ARHGEF3: variants seen among roughly 807,000 people sequenced by gnomAD.
ARHGEF3 encodes the protein Rho guanine nucleotide exchange factor 3.
A neutral mutation model predicts 63.2 loss-of-function variants in ARHGEF3; 28 were observed. The observed-to-expected ratio is 0.44, with a 90% CI of 0.33 to 0.61. ARHGEF3 has a LOEUF of 0.61. Ranked by LOEUF, ARHGEF3 falls within the 20% of genes least tolerant of loss-of-function variation. The pLI is 0.03. For synonymous variants in ARHGEF3, 266 were observed against 254.2 expected (o/e 1.05, Z -0.44); for missense variants, 533 against 659.3 (o/e 0.81, Z 2.10).
chr3:56,856,653 G>T (rs2039892932), intron 4 of ARHGEF3, among the ~76,000 whole-genome samples: 4 of 133,322 alleles, frequency 3.0e-5, no homozygotes, highest in Admixed American at 7.9e-5. Flanking sequence ...TATACCTCTT[G>T]TTTTAGAATT....
intron 7 of ARHGEF3, among the ~76,000 whole-genome samples, chr3:56,737,847 T>C (rs983577859): frequency 6.6e-6 from 1 of 152,148 alleles, no homozygotes; most frequent in Non-Finnish European, 1.5e-5. Context: ...TATTTGCAGA[T>C]TGGGTTTGAA....
chr3:56,916,482 G>T, intron 3 of ARHGEF3: 2 of 1,392,290 alleles, frequency 1.4e-6, no homozygotes, highest in Non-Finnish European at 1.9e-6. Context: ...GACAGGAAGT[G>T]ACAGGGGCCA....
chr3:56,976,289 G>A (rs563813330), intron 2 of ARHGEF3, among the ~76,000 whole-genome samples: 46 of 152,046 alleles, frequency 3.0e-4, no homozygotes, highest in Admixed American at 3.3e-4. Flanking sequence ...GTGATCTGCC[G>A]GCCTCGGCCT....
At chr3:56,734,592 G>C (rs1446137414) in intron 8 of ARHGEF3, among the ~76,000 whole-genome samples, 2 of 152,212 alleles carry the variant, frequency 1.3e-5, no homozygotes, top group Middle Eastern at 3.4e-3. Context: ...ACAAAAATGG[G>C]AACTGAATTA....
chr3:56,909,376 A>C (rs995960551), intron 3 of ARHGEF3, among the ~76,000 whole-genome samples: 1 of 152,236 alleles, frequency 6.6e-6, no homozygotes, highest in East Asian at 1.9e-4. Flanking sequence ...GGAAATATAC[A>C]CATAAGGGAT....
At chr3:57,009,259 A>G (rs976994824) in intron 2 of ARHGEF3, among the ~76,000 whole-genome samples, 3 of 152,182 alleles carry the variant, frequency 2.0e-5, no homozygotes, top group Non-Finnish European at 2.9e-5. Context: ...AAAATTTTTT[A>G]TTTAAAAAAA....
chr3:57,044,571 G>C (rs927613550), intron 1 of ARHGEF3, among the ~76,000 whole-genome samples: 1 of 152,204 alleles, frequency 6.6e-6, no homozygotes, highest in Admixed American at 6.5e-5. Flanking sequence ...TACAGGTTTG[G>C]TGCTTGCTGC....
At chr3:56,881,255 T>C (rs2040754836) in intron 4 of ARHGEF3, among the ~76,000 whole-genome samples, 1 of 152,226 alleles carries the variant, frequency 6.6e-6, no homozygotes, top group Admixed American at 6.5e-5. Flanking sequence ...GACTCAGTTC[T>C]TTATTCCTAG....
At chr3:56,862,564 A>C (rs1337969088) in intron 4 of ARHGEF3, among the ~76,000 whole-genome samples, 4 of 152,172 alleles carry the variant, frequency 2.6e-5, no homozygotes, top group Admixed American at 2.0e-4. Flanking sequence ...GGGAACCCCC[A>C]TGCCAATGTG....
At chr3:56,995,255 C>T (rs1268356049) in intron 2 of ARHGEF3, among the ~76,000 whole-genome samples, 1 of 151,970 alleles carries the variant, frequency 6.6e-6, no homozygotes, top group Middle Eastern at 3.2e-3. Flanking sequence ...CTGAGGCCGG[C>T]GTCTGGGGGG....
chr3:56,858,483 C>A (rs1216281808), intron 4 of ARHGEF3, among the ~76,000 whole-genome samples: 1 of 152,176 alleles, frequency 6.6e-6, no homozygotes, highest in Non-Finnish European at 1.5e-5. Flanking sequence ...TGCCAAGATG[C>A]TAGAGATTAT....
intron 2 of ARHGEF3, among the ~76,000 whole-genome samples, chr3:57,005,782 C>T (rs1702443532): frequency 6.6e-6 from 1 of 152,174 alleles, no homozygotes; most frequent in Non-Finnish European, 1.5e-5. Flanking sequence ...TGCTGGGCAC[C>T]CGGCAGAGGG....
intron 3 of ARHGEF3, among the ~76,000 whole-genome samples, chr3:56,903,938 A>G (rs1321085308): frequency 6.6e-6 from 1 of 152,106 alleles, no homozygotes; most frequent in Non-Finnish European, 1.5e-5. Context: ...ATCACGGCTC[A>G]CTGCAGCCTC....
chr3:57,072,891 C>T (rs1706001694), intron 1 of ARHGEF3, among the ~76,000 whole-genome samples: 2 of 151,342 alleles, frequency 1.3e-5, no homozygotes, highest in Non-Finnish European at 3.0e-5. Flanking sequence ...CTAAAAAATA[C>T]AAAAATTAGC....
At position 56,728,307 on chromosome 3, in the gene ARHGEF3, G is replaced by A. The variant is rs186434836; in HGVS notation, c.*963C>T. ...TGCTTTTCTCTCAATGGCTCCCACAGAAGGTTCTGACGAAGTGCTTTTCAT... is the reference window on the plus strand; with the variant it reads ...TGCTTTTCTCTCAATGGCTCCCACAAAAGGTTCTGACGAAGTGCTTTTCAT... On this transcript the variant is annotated 3_prime_UTR_variant, in exon 10 of 10. Transcript: ENST00000296315. 1 of 152,776 alleles carries A rather than the reference G, an allele frequency of 6.5e-6. No individual in the cohort carries two copies. The highest frequency in any genetic ancestry group is 1.9e-4 in the East Asian group (1 of 5,184). 9.5% of individuals were successfully genotyped at this position (152,776 alleles called of 1,614,324 possible). A position where few individuals can be genotyped will look rare whatever the true frequency, so the allele number is the denominator to read the frequency against.
intron 4 of ARHGEF3, among the ~76,000 whole-genome samples, chr3:56,859,699 AT>A (rs71072200): frequency 0.96 from 136,223 of 142,204 alleles, 65,348 homozygotes; most frequent in Non-Finnish European, 0.99. Context: ...CACCAGGCTA[AT>A]TTTTTTTTTT....
intron 3 of ARHGEF3, 140 bp from the exon 4 acceptor site, chr3:56,753,706 T>G (rs1488496690): frequency 4.3e-6 from 3 of 704,334 alleles, no homozygotes; most frequent in Non-Finnish European, 7.3e-6. Context: ...AGCAAATGCA[T>G]CTATGCTTAA....
chr3:56,978,236 G>A (rs1701198322), intron 2 of ARHGEF3, among the ~76,000 whole-genome samples: 1 of 152,224 alleles, frequency 6.6e-6, no homozygotes, highest in African/African-American at 2.4e-5. Context: ...ACCTTCAGAA[G>A]TCTTTAAAGT....
intron 3 of ARHGEF3, among the ~76,000 whole-genome samples, chr3:56,915,299 C>CA (rs5849175): frequency 1.3e-5 from 2 of 151,432 alleles, no homozygotes; most frequent in East Asian, 1.9e-4. Context: ...CACGTCTCCA[C>CA]AAAAAAAAAT....
Sources: gnomAD v4.1 joint callset for allele counts (sites outside exome capture counted in the v4.1 genomes callset) on GRCh38, gnomAD v4.1.1 for gene constraint, MANE v1.5 for transcripts, NCBI Gene and HGNC (gene_info 2026-07-23, HGNC 2026-07-21) for gene names.